Variants in TH observed in about 807,000 individuals in gnomAD.
TH encodes the protein tyrosine 3-monooxygenase.
Under a neutral mutation model 57.4 loss-of-function variants are expected in TH, and 49 were observed. The observed-to-expected ratio is 0.85, with a 90% CI of 0.68 to 1.08. TH has a LOEUF of 1.08. Among genes scored for constraint, TH ranks in the 50% least tolerant of loss-of-function variants. TH has a pLI of 0.00. For missense variants in TH, 720 were observed against 696.7 expected, an observed-to-expected ratio of 1.03 and a Z score of -0.38; for synonymous variants, 330 against 304.5, an observed-to-expected ratio of 1.08 and a Z score of -0.87.
intron 6 of TH, 198 bp from the exon 7 acceptor site, chr11:2,167,230 G>C (rs1164383091): frequency 3.1e-6 from 3 of 965,198 alleles, no homozygotes; most frequent in Admixed American, 2.4e-5. Context: ...CATGAGGGGC[G>C]GTCCCTCAGC....
chr11:2,165,579 G>C lies in TH; in HGVS notation c.1200+89C>G, dbSNP rs1027872651. On this transcript the variant is annotated intron_variant, in intron 11 of 12. Coordinates refer to ENST00000352909, the MANE Select transcript of TH (RefSeq NM_000360.4). ...CTGAGTCCTGGAGGTCCAGGCCTCAGTTTCCTCCCACTGGGAGCCTGTCCC... is the reference window on the plus strand; with the variant it reads ...CTGAGTCCTGGAGGTCCAGGCCTCACTTTCCTCCCACTGGGAGCCTGTCCC... 12 of 1,453,534 alleles carry C rather than the reference G, an allele frequency of 8.3e-6. No individual in the cohort carries two copies. The South Asian group carries it at 9.4e-5, about 11-fold the overall frequency. The allele number at this position is 1,453,534 out of a possible 1,614,324, so 90.0% of individuals were successfully genotyped here.
At position 2,164,153 on chromosome 11, in the gene TH, C is replaced by A; in HGVS notation, c.*80G>T. On this transcript the variant is annotated 3_prime_UTR_variant, in exon 13 of 13. Transcript: ENST00000352909. ...GAGGGCATGGGGGGCACCCGGGACC[C>A]AGCCCCTCACCAGGGCCTGAGCTCC... is the stretch of plus-strand genomic sequence containing the variant. 1.6e-6 allele frequency: 2 copies of A among 1,275,502 alleles called. No homozygotes were observed. Among genetic ancestry groups the A allele is most frequent in the Non-Finnish European group, 1.0e-6 (1 of 996,034 alleles). 79.0% of individuals were successfully genotyped at this position (1,275,502 alleles called of 1,614,324 possible). A position where few individuals can be genotyped will look rare whatever the true frequency, so the allele number is the denominator to read the frequency against.
At chr11:2,165,045 C>T (rs1846047969) in intron 12 of TH, among the ~76,000 whole-genome samples, 187 bp downstream of exon 12, 1 of 152,194 alleles carries the variant, frequency 6.6e-6, no homozygotes, top group African/African-American at 2.4e-5. Context: ...AGGTCTGCCC[C>T]TCCCCAGACG....
intron 5 of TH, 85 bp downstream of exon 5, chr11:2,167,781 T>TC: frequency 1.4e-6 from 2 of 1,459,352 alleles, no homozygotes; most frequent in Non-Finnish European, 1.9e-6. Context: ...AGATGGGTCC[T>TC]CCCCTTTGTC....
chr11:2,164,494 CAG>C, intron 12 of TH, 102 bp from the exon 13 acceptor site: 1 of 1,370,200 alleles, frequency 7.3e-7, no homozygotes, highest in South Asian at 1.4e-5. Context: ...CACAGTGGCT[CAG>C]AGCTCCCAGG....
At chr11:2,165,196 G>T (rs1378476618) in intron 12 of TH, 36 bp downstream of exon 12, 3 of 1,612,392 alleles carry the variant, frequency 1.9e-6, no homozygotes, top group Non-Finnish European at 2.5e-6. Flanking sequence ...CAGTTTGGGG[G>T]CACCATGGGG....
Position 2,165,296 on chromosome 11 carries a change from C to G in TH, c.1270G>C (p.Asp424His). The G allele has an allele frequency of 6.2e-7, 1 of 1,612,800 alleles. No homozygotes were observed. Among genetic ancestry groups the G allele is most frequent in the South Asian group, 1.1e-5 (1 of 91,082 alleles). The change falls in exon 12 of 13, where the codon GAC becomes CAC. Residue 424 changes from aspartate to histidine, a missense_variant. Coordinates refer to ENST00000352909, the MANE Select transcript of TH (RefSeq NM_000360.4). ...PEAAAVQPYQ[D>H]QTYQSVYFVS... ...AAGTAGACTGACTGGTACGTCTGGT[C>G]TTGGTAGGGCTGCACGGCCGCAGCC...
intron 11 of TH, 85 bp from the exon 12 acceptor site, chr11:2,165,450 G>A: frequency 6.3e-7 from 1 of 1,582,928 alleles, no homozygotes; most frequent in Non-Finnish European, 8.6e-7. Context: ...CGCTGGGTGG[G>A]TTCCTTGGGT....
In TH at chr11:2,167,654, A is replaced by G. The variant is rs961129226; in HGVS notation, c.645-169T>C. 1.3e-5 allele frequency: 14 copies of G among 1,072,160 alleles called. No individual in the cohort carries two copies. In the Middle Eastern group the frequency reaches 8.4e-4, roughly 65 times the overall value. The allele number at this position is 1,072,160 out of a possible 1,614,324, so 66.4% of individuals were successfully genotyped here. A position where few individuals can be genotyped will look rare whatever the true frequency, so the allele number is the denominator to read the frequency against. ...CAGCTGACTGTGCCGTGAGCCGGCT[A>G]TGTGGCCTCGGCAGGTTGCTCTAGC... On this transcript the variant is annotated intron_variant, in intron 5 of 12. Transcript: ENST00000352909.
chr11:2,167,623 G>A, intron 5 of TH, 138 bp from the exon 6 acceptor site: 2 of 1,178,182 alleles, frequency 1.7e-6, no homozygotes, highest in Non-Finnish European at 2.4e-6. Flanking sequence ...ACAGGAGGGT[G>A]CACCCCAGCT....
At position 2,165,992 on chromosome 11, in the gene TH, G is replaced by A; in HGVS notation, c.1104+10C>T. 1 of 1,560,048 alleles carries A rather than the reference G, an allele frequency of 6.4e-7. No individual in the cohort carries two copies. The highest frequency in any genetic ancestry group is 8.7e-7 in the Non-Finnish European group (1 of 1,152,304). On this transcript the variant is annotated intron_variant, in intron 10 of 12. Coordinates refer to ENST00000352909, the MANE Select transcript of TH (RefSeq NM_000360.4). ...CACACCCCAGGCCCTGCAGGGAGGG[G>A]TCAACCCACCGTGGACAGCTTCTCA...
rs1846160186 is a variant in TH at position 2,168,410 on chromosome 11, G to A, written c.487+81C>T. On this transcript the variant is annotated intron_variant, in intron 3 of 12. Transcript: ENST00000352909. ...ACCAGGCCACCACCACGTGGTCACTGTAGGGTCCCCCTGCAGGAGCCCCTG... is the reference window on the plus strand; with the variant it reads ...ACCAGGCCACCACCACGTGGTCACTATAGGGTCCCCCTGCAGGAGCCCCTG... 2.5e-6 allele frequency: 4 copies of A among 1,577,002 alleles called. No homozygotes were observed. The Admixed American group carries it at 5.2e-5, about 21-fold the overall frequency.
At chr11:2,165,414 G>A (rs1410893776) in intron 11 of TH, 49 bp from the exon 12 acceptor site, 7 of 1,602,008 alleles carry the variant, frequency 4.4e-6, no homozygotes, top group South Asian at 1.1e-5. Flanking sequence ...CCAGGTCCCC[G>A]AGGGAACTGG....
chr11:2,167,303 G>T, intron 6 of TH, 132 bp downstream of exon 6: 3 of 1,163,122 alleles, frequency 2.6e-6, no homozygotes, highest in Non-Finnish European at 2.5e-6. Flanking sequence ...TCTGAGCCCT[G>T]CAAGTCCCTC....
chr11:2,166,554 G>C lies in TH; in HGVS notation c.978-5C>G. The C allele has an allele frequency of 6.2e-7, 1 of 1,600,378 alleles. No homozygotes were observed. The highest frequency in any genetic ancestry group is 8.5e-7 in the Non-Finnish European group (1 of 1,175,698). On this transcript the variant is annotated splice_polypyrimidine_tract_variant and splice_region_variant and intron_variant, in intron 8 of 12. Transcript: ENST00000352909. Reference sequence around the variant, plus strand: ...AGCAGCTCGTGGCAGCAGTCCCTGCGCGTAGGAGGGAGAAGGGGGCTGAGG... The same window carrying C: ...AGCAGCTCGTGGCAGCAGTCCCTGCCCGTAGGAGGGAGAAGGGGGCTGAGG...
chr11:2,165,567 G>C, intron 11 of TH, 101 bp downstream of exon 11: 2 of 1,367,116 alleles, frequency 1.5e-6, no homozygotes, highest in Non-Finnish European at 2.1e-6. Flanking sequence ...AGTCCTGGAG[G>C]TCCAGGCCTC....
chr11:2,168,813 T>C, intron 2 of TH, 148 bp from the exon 3 acceptor site: 1 of 1,027,330 alleles, frequency 9.7e-7, no homozygotes, highest in Non-Finnish European at 1.5e-6. Context: ...GATCCCGTTC[T>C]TCCAGGCTCA....
rs200408490 is a variant in TH at position 2,171,667 on chromosome 11, C to A, written c.90+30G>T. On this transcript the variant is annotated intron_variant, in intron 1 of 12. Transcript: ENST00000352909. The surrounding 1 kb of genome is among the most constrained non-coding windows in gnomAD (Gnocchi z 8.6). ...ACCAGCCCTGGGCTCCGGTCCACTGCGGCCGCCGGGCACCTACCTGCCCTC... is the reference window on the plus strand; with the variant it reads ...ACCAGCCCTGGGCTCCGGTCCACTGAGGCCGCCGGGCACCTACCTGCCCTC... The A allele has an allele frequency of 6.2e-7, 1 of 1,606,452 alleles. No homozygotes were observed. The highest frequency in any genetic ancestry group is 8.5e-7 in the Non-Finnish European group (1 of 1,178,242).
rs1406419511 is a variant in TH at position 2,168,809 on chromosome 11, G to A, written c.313-144C>T. 2.6e-5 allele frequency: 27 copies of A among 1,041,698 alleles called. 1 individual carries two copies. Among genetic ancestry groups the A allele is most frequent in the South Asian group, 2.1e-4 (15 of 71,144 alleles). 64.5% of individuals were successfully genotyped at this position (1,041,698 alleles called of 1,614,324 possible). A position where few individuals can be genotyped will look rare whatever the true frequency, so the allele number is the denominator to read the frequency against. ...TTTGTGCTAGCAGCACACAGATCCC[G>A]TTCTTCCAGGCTCAGGTCAGCTGTC... On this transcript the variant is annotated intron_variant, in intron 2 of 12. Coordinates refer to ENST00000352909, the MANE Select transcript of TH (RefSeq NM_000360.4).
Sources: gnomAD v4.1 joint callset for allele counts (sites outside exome capture counted in the v4.1 genomes callset) on GRCh38, gnomAD v4.1.1 for gene constraint, Gnocchi (gnomAD v3.1) non-coding constraint, MANE v1.5 for transcripts, NCBI Gene and HGNC (gene_info 2026-07-23, HGNC 2026-07-21) for gene names.